The following CRTAC1 variants were observed in gnomAD, a reference collection of about 807,000 sequenced individuals.
CRTAC1 encodes acidic secreted protein in cartilage.
A neutral mutation model predicts 67.8 loss-of-function variants in CRTAC1; 37 were observed. The observed-to-expected ratio is 0.55, with a 90% CI of 0.42 to 0.72. The LOEUF is 0.72. CRTAC1 is among the 30% of genes least tolerant of loss of function. CRTAC1 has a pLI of 0.00. For missense variants in CRTAC1, 780 were observed against 931.6 expected (o/e 0.84, Z 2.12); for synonymous variants, 348 against 371.0 (o/e 0.94, Z 0.71).
At chr10:97,901,115 C>T (rs2050533598) in intron 8 of CRTAC1, among the ~76,000 whole-genome samples, 2 of 142,582 alleles carry the variant, frequency 1.4e-5, no homozygotes, top group African/African-American at 5.6e-5. Context: ...GTGATTGGAC[C>T]CCGTAGCCCC....
intron 1 of CRTAC1, among the ~76,000 whole-genome samples, chr10:98,011,806 T>G (rs1025116001): frequency 3.3e-5 from 5 of 151,990 alleles, no homozygotes; most frequent in Non-Finnish European, 7.4e-5. Context: ...GGGAGGGAGA[T>G]GGGGAGGGAA....
At chr10:98,002,761 C>CTGTTTTTTTTTTTTTTT (rs771351655) in intron 2 of CRTAC1, among the ~76,000 whole-genome samples, 3 of 37,296 alleles carry the variant, frequency 8.0e-5, no homozygotes, top group African/African-American at 2.4e-4. Flanking sequence ...ACAAAACTCA[C>CTGTTTTTTTTTTTTTTT]TTTTTTTTTT....
intron 11 of CRTAC1, among the ~76,000 whole-genome samples, chr10:97,888,237 A>T (rs2050314977): frequency 6.6e-6 from 1 of 152,202 alleles, no homozygotes; most frequent in African/African-American, 2.4e-5. Context: ...ACAAGTGATT[A>T]TATTATAAGC....
chr10:98,000,920 G>A (rs1022083794), intron 2 of CRTAC1, among the ~76,000 whole-genome samples: 2 of 152,204 alleles, frequency 1.3e-5, no homozygotes, highest in Non-Finnish European at 2.9e-5. Context: ...AGAAACTTAA[G>A]CTATACATAG....
At chr10:97,960,564 T>A (rs1463596243) in intron 2 of CRTAC1, among the ~76,000 whole-genome samples, 2 of 152,238 alleles carry the variant, frequency 1.3e-5, no homozygotes, top group Non-Finnish European at 2.9e-5. Flanking sequence ...CTCCCATCTA[T>A]GGTCTTGGTT....
intron 5 of CRTAC1, among the ~76,000 whole-genome samples, chr10:97,915,604 T>G (rs1172428366): frequency 1.3e-5 from 2 of 151,746 alleles, no homozygotes; most frequent in African/African-American, 4.8e-5. Context: ...GCCCTTACAT[T>G]TGGGGTCCAT....
chr10:97,907,342 G>A (rs1473018299), intron 6 of CRTAC1, among the ~76,000 whole-genome samples: 4 of 151,656 alleles, frequency 2.6e-5, no homozygotes, highest in Non-Finnish European at 2.9e-5. Flanking sequence ...GCTAAACGAC[G>A]TTCTGCAGGT....
At chr10:98,028,539 A>G (rs1024019488) in intron 1 of CRTAC1, among the ~76,000 whole-genome samples, 7 of 152,148 alleles carry the variant, frequency 4.6e-5, no homozygotes, top group Non-Finnish European at 8.8e-5. Flanking sequence ...TACACAGGCC[A>G]TTGGTCCACA....
At chr10:98,026,943 G>T (rs1001387423) in intron 1 of CRTAC1, among the ~76,000 whole-genome samples, 5 of 152,168 alleles carry the variant, frequency 3.3e-5, no homozygotes, top group Non-Finnish European at 7.4e-5. Flanking sequence ...ACTTTGGGAG[G>T]CCGAGGCGGG....
intron 2 of CRTAC1, among the ~76,000 whole-genome samples, chr10:97,957,156 G>A (rs558754712): frequency 5.7e-4 from 87 of 152,204 alleles, no homozygotes; most frequent in Admixed American, 1.1e-3. Flanking sequence ...CTTTGGGGAG[G>A]AGTGGGCGAT....
At chr10:97,973,059 A>G (rs890903804) in intron 2 of CRTAC1, among the ~76,000 whole-genome samples, 13 of 152,248 alleles carry the variant, frequency 8.5e-5, no homozygotes, top group African/African-American at 3.1e-4. Flanking sequence ...GTGTCTGGAA[A>G]GAAGACTAAA....
chr10:97,930,320 A>T (rs2050985434), intron 3 of CRTAC1, among the ~76,000 whole-genome samples: 1 of 152,200 alleles, frequency 6.6e-6, no homozygotes, highest in Non-Finnish European at 1.5e-5. Flanking sequence ...CATATTCCAT[A>T]TTATGCTGCT....
At chr10:97,948,333 T>G (rs2051297156) in intron 2 of CRTAC1, among the ~76,000 whole-genome samples, 1 of 152,148 alleles carries the variant, frequency 6.6e-6, no homozygotes, top group Non-Finnish European at 1.5e-5. Context: ...ACTGATAACC[T>G]TCAAGAAAGC....
At chr10:97,898,008 G>C (rs2050485079) in intron 8 of CRTAC1, among the ~76,000 whole-genome samples, 1 of 152,196 alleles carries the variant, frequency 6.6e-6, no homozygotes, top group Non-Finnish European at 1.5e-5. Context: ...CCCATGAGGT[G>C]GGCTTGTGTG....
At chr10:97,886,378 G>A (rs796551802) in intron 11 of CRTAC1, among the ~76,000 whole-genome samples, 22 of 152,214 alleles carry the variant, frequency 1.4e-4, no homozygotes, top group African/African-American at 5.1e-4. Context: ...AGAGGCAGCC[G>A]CTGCCCTCAT....
chr10:97,880,095 A>G (rs78275889), intron 14 of CRTAC1, among the ~76,000 whole-genome samples, 154 bp downstream of exon 14: 3,069 of 152,250 alleles, frequency 0.02, 104 homozygotes, highest in African/African-American at 0.068. Flanking sequence ...AGCCTCTGTC[A>G]TGGTCTTCCC....
intron 14 of CRTAC1, among the ~76,000 whole-genome samples, chr10:97,874,153 G>A (rs2050121453): frequency 6.6e-6 from 1 of 152,228 alleles, no homozygotes; most frequent in South Asian, 2.1e-4. Flanking sequence ...GACCAGACGG[G>A]GGTGCAGATG....
At chr10:97,957,203 A>T (rs544671348) in intron 2 of CRTAC1, among the ~76,000 whole-genome samples, 1 of 152,112 alleles carries the variant, frequency 6.6e-6, no homozygotes, top group Non-Finnish European at 1.5e-5. Flanking sequence ...TGTGTCTGGC[A>T]TTGGCAGTCT....
intron 6 of CRTAC1, among the ~76,000 whole-genome samples, chr10:97,906,533 T>C (rs1176465154): frequency 6.6e-6 from 1 of 152,200 alleles, no homozygotes; most frequent in Non-Finnish European, 1.5e-5. Flanking sequence ...TCCAACTTGT[T>C]CGCTCACCTC....
Sources: gnomAD v4.1 joint callset for allele counts (sites outside exome capture counted in the v4.1 genomes callset) on GRCh38, gnomAD v4.1.1 for gene constraint, MANE v1.5 for transcripts, NCBI Gene and HGNC (gene_info 2026-07-23, HGNC 2026-07-21) for gene names.